Variants in XRCC4 observed in about 807,000 individuals in gnomAD.
XRCC4 encodes the protein DNA repair protein XRCC4.
A neutral mutation model predicts 39.1 loss-of-function variants in XRCC4; 28 were observed. The observed-to-expected ratio is 0.72, with a 90% CI of 0.53 to 0.98. The LOEUF (loss-of-function observed/expected upper bound fraction) is 0.98. Among genes scored for constraint, XRCC4 ranks in the 50% least tolerant of loss-of-function variants. The pLI, the probability that XRCC4 is intolerant of heterozygous loss-of-function variation, is 0.00. For synonymous variants in XRCC4, 123 were observed against 126.4 expected, an observed-to-expected ratio of 0.97 and a Z score of 0.18; for missense variants, 350 against 376.4, an observed-to-expected ratio of 0.93 and a Z score of 0.58.
At chr5:83,230,589 A>G (rs1463011220) in intron 6 of XRCC4, among the ~76,000 whole-genome samples, 1 of 152,012 alleles carries the variant, frequency 6.6e-6, no homozygotes, top group Non-Finnish European at 1.5e-5. Flanking sequence ...ATAGCATCTG[A>G]TAGTTACATG....
chr5:83,277,455 G>A (rs1449130161), intron 7 of XRCC4, among the ~76,000 whole-genome samples: 7 of 152,200 alleles, frequency 4.6e-5, no homozygotes, highest in East Asian at 3.8e-4. Flanking sequence ...CAGGCCACCC[G>A]TGATGGACAT....
chr5:83,234,161 T>G (rs944409332), intron 6 of XRCC4, among the ~76,000 whole-genome samples: 1 of 152,112 alleles, frequency 6.6e-6, no homozygotes, highest in African/African-American at 2.4e-5. Flanking sequence ...AGGCCTACCT[T>G]TTGCTTTATA....
At position 83,246,717 on chromosome 5, in the gene XRCC4, A is replaced by T. The variant is rs544353790; in HGVS notation, c.746-11813A>T. 1.2e-4 allele frequency among the ~76,000 whole-genome samples: 18 copies of T among 152,178 alleles called. 1 individual carries two copies. The highest frequency in any genetic ancestry group is 6.6e-5 in the Admixed American group (1 of 15,262). ...TTTCTTATTTAGGTAGTCTTTTCTC[A>T]TTTTTTTCCATTTTATACAAAGTGG... On this transcript the variant is annotated intron_variant, in intron 6 of 7. Transcript: ENST00000396027.
intron 7 of XRCC4, among the ~76,000 whole-genome samples, chr5:83,272,580 C>T (rs1561446922): frequency 6.6e-6 from 1 of 151,860 alleles, no homozygotes; most frequent in Non-Finnish European, 1.5e-5. Flanking sequence ...CCTCTTCTTT[C>T]CCCCCACCCC....
chr5:83,343,409 T>C (rs1756822027), intron 7 of XRCC4, among the ~76,000 whole-genome samples: 1 of 152,172 alleles, frequency 6.6e-6, no homozygotes, highest in Non-Finnish European at 1.5e-5. Flanking sequence ...CATCGCCTGT[T>C]CTTCTTGTCT....
intron 3 of XRCC4, among the ~76,000 whole-genome samples, chr5:83,186,770 A>G (rs548810585): frequency 6.6e-6 from 1 of 152,292 alleles, no homozygotes; most frequent in Admixed American, 6.5e-5. Context: ...CAAACTTAAC[A>G]TAAATATATA....
At chr5:83,365,405 A>C in the XRCC4 span, among the ~76,000 whole-genome samples, 1 of 152,184 alleles carries the variant, frequency 6.6e-6, no homozygotes, top group African/African-American at 2.4e-5. Context: ...AGCAAGAGGA[A>C]AAAGAAAGAT....
intron 1 of XRCC4, among the ~76,000 whole-genome samples, chr5:83,098,057 T>C (rs140251522): frequency 0.019 from 2,924 of 152,250 alleles, 43 homozygotes; most frequent in Admixed American, 0.049. Context: ...GTGAAATTTA[T>C]GTTTATCACT....
chr5:83,225,836 G>T (rs10054951), intron 6 of XRCC4, among the ~76,000 whole-genome samples: 10,060 of 151,454 alleles, frequency 0.066, 437 homozygotes, highest in South Asian at 0.16. Flanking sequence ...CCCCATTTCT[G>T]CACTGCTCTG....
At chr5:83,231,005 A>G (rs1473133857) in intron 6 of XRCC4, among the ~76,000 whole-genome samples, 2 of 151,996 alleles carry the variant, frequency 1.3e-5, no homozygotes, top group African/African-American at 4.8e-5. Flanking sequence ...TGAAGGTAGA[A>G]GTCATACTTC....
At chr5:83,143,385 T>TATA (rs1228379984) in intron 3 of XRCC4, among the ~76,000 whole-genome samples, 9 of 152,184 alleles carry the variant, frequency 5.9e-5, no homozygotes, top group Non-Finnish European at 1.3e-4. Context: ...CTTTGATCAC[T>TATA]ATATGTGTAT....
chr5:83,135,635 C>T (rs903537525), intron 3 of XRCC4, among the ~76,000 whole-genome samples: 11 of 151,902 alleles, frequency 7.2e-5, no homozygotes, highest in African/African-American at 2.4e-4. Context: ...TTTTTTGCTT[C>T]CTGTGTTTTG....
chr5:83,223,504 T>C (rs1430879113), intron 6 of XRCC4, among the ~76,000 whole-genome samples: 2 of 152,066 alleles, frequency 1.3e-5, no homozygotes, highest in Non-Finnish European at 2.9e-5. Flanking sequence ...TTTGTTTTGT[T>C]TTACCTAAAG....
At chr5:83,207,424 C>G (rs1751462700) in intron 6 of XRCC4, among the ~76,000 whole-genome samples, 1 of 152,072 alleles carries the variant, frequency 6.6e-6, no homozygotes, top group Non-Finnish European at 1.5e-5. Context: ...ATTTCTTTAG[C>G]CCACATCTAG....
At chr5:83,155,740 C>G (rs1748926732) in intron 3 of XRCC4, among the ~76,000 whole-genome samples, 1 of 151,900 alleles carries the variant, frequency 6.6e-6, no homozygotes, top group Non-Finnish European at 1.5e-5. Context: ...AACATTTACA[C>G]CAGTTTAATG....
In XRCC4 at chr5:83,264,983, G is replaced by A. The variant is rs114371814; in HGVS notation, c.893+6306G>A. 5.9e-3 allele frequency among the ~76,000 whole-genome samples: 904 copies of A among 152,080 alleles called. 12 individuals carry two copies. The highest frequency in any genetic ancestry group is 0.021 in the African/African-American group (867 of 41,500). On this transcript the variant is annotated intron_variant, in intron 7 of 7. Coordinates refer to ENST00000396027, the MANE Select transcript of XRCC4 (RefSeq NM_003401.5). ...GCCTTTTGAGTTTTTTGTTGTTGTT[G>A]TTTACCAATTCATTTTAGAAATACA...
chr5:83,199,149 A>G (rs1751071256), intron 4 of XRCC4, among the ~76,000 whole-genome samples: 1 of 152,180 alleles, frequency 6.6e-6, no homozygotes, highest in African/African-American at 2.4e-5. Context: ...TGCCTTCAAG[A>G]TACAATCACA....
At chr5:83,335,339 T>G (rs1756562461) in intron 7 of XRCC4, among the ~76,000 whole-genome samples, 1 of 151,802 alleles carries the variant, frequency 6.6e-6, no homozygotes, top group Non-Finnish European at 1.5e-5. Context: ...TAATAATTAC[T>G]TATAATTATT....
intron 3 of XRCC4, among the ~76,000 whole-genome samples, chr5:83,138,636 A>G (rs1174549646): frequency 2.6e-5 from 4 of 152,090 alleles, no homozygotes; most frequent in African/African-American, 9.7e-5. Context: ...AATGCATATT[A>G]TGTTACTCTG....
Sources: allele counts gnomAD v4.1 joint callset (sites outside exome capture counted in the v4.1 genomes callset), GRCh38; gene constraint gnomAD v4.1.1; transcripts MANE v1.5; gene names NCBI Gene and HGNC (gene_info 2026-07-23, HGNC 2026-07-21).